CASZ1: variants seen among roughly 807,000 people sequenced by gnomAD.
The protein encoded by CASZ1 is zinc finger protein castor homolog 1.
In CASZ1, 28 loss-of-function variants were observed where a neutral mutation model predicts 135.2. That is an observed-to-expected ratio of 0.21 (90% CI 0.15 to 0.28). The LOEUF is 0.28. CASZ1 is among the 10% of genes least tolerant of loss of function. The probability of loss-of-function intolerance (pLI) is 1.00; values close to 1 mark genes in which losing one functional copy is unlikely to be tolerated. For missense variants in CASZ1, 2,161 were observed against 2,453.3 expected (o/e 0.88, Z 2.52); for synonymous variants, 1,068 against 1,073.4 (o/e 0.99, Z 0.10).
At chr1:10,667,413 G>A (rs1188335907) in intron 4 of CASZ1, among the ~76,000 whole-genome samples, 5 of 152,194 alleles carry the variant, frequency 3.3e-5, no homozygotes, top group Non-Finnish European at 2.9e-5. Context: ...TGCCCAAGCC[G>A]ATGCCCACTC....
In CASZ1 at chr1:10,657,254, A is replaced by AGCCGCC. The variant is rs988817240; in HGVS notation, c.1410-524_1410-519dup. On this transcript the variant is annotated intron_variant, in intron 7 of 20. Transcript: ENST00000377022. The surrounding 1 kb of genome is among the most constrained non-coding windows in gnomAD (Gnocchi z 5.7). ...TCCTACAGCAACGAGCTCACTCTCC[A>AGCCGCC]GCCGCCGCCGCCACCGCCAGGAACC... is the stretch of plus-strand genomic sequence containing the variant. Among the ~76,000 whole-genome samples, 40 of 152,324 alleles carry AGCCGCC rather than the reference A, an allele frequency of 2.6e-4. No homozygotes were observed. Among genetic ancestry groups the AGCCGCC allele is most frequent in the African/African-American group, 9.4e-4 (39 of 41,574 alleles).
chr1:10,653,510 G>A lies in CASZ1; in HGVS notation c.2547C>T (p.Pro849=), dbSNP rs748636112. 28 of 1,609,728 alleles carry A rather than the reference G, an allele frequency of 1.7e-5. No homozygotes were observed. The East Asian group carries it at 2.2e-4, about 13-fold the overall frequency. ...LVASGAGDSA[P]VAAASVPAPP... Reference sequence around the variant, plus strand: ...GTGCCGGGACAGAGGCGGCAGCCACGGGGGCTGAGTCTCCAGCTCCCGAGG... The same window carrying A: ...GTGCCGGGACAGAGGCGGCAGCCACAGGGGCTGAGTCTCCAGCTCCCGAGG... Residue 849 remains proline, a synonymous_variant, in exon 11 of 21, where the codon CCC becomes CCT. Coordinates refer to ENST00000377022, the MANE Select transcript of CASZ1 (RefSeq NM_001079843.3).
intron 1 of CASZ1, among the ~76,000 whole-genome samples, chr1:10,779,184 A>G (rs1187252055): frequency 1.3e-5 from 1 of 74,498 alleles, no homozygotes; most frequent in South Asian, 4.0e-4. Flanking sequence ...CCCCAGCCCC[A>G]CCCCGTCTTC....
chr1:10,758,063 A>G (rs6689272), intron 2 of CASZ1, among the ~76,000 whole-genome samples: 4,784 of 152,164 alleles, frequency 0.031, 246 homozygotes, highest in African/African-American at 0.11. Context: ...CTCTTCACTG[A>G]TCTGTCCACT....
rs1293481137 is a variant in CASZ1 at position 10,671,181 on chromosome 1, GT to G, written c.17-5611del. On this transcript the variant is annotated intron_variant, in intron 4 of 20. Coordinates refer to ENST00000377022, the MANE Select transcript of CASZ1 (RefSeq NM_001079843.3). ...AGTAACTCTATAAATCAGGGGAACT[GT>G]TAGCATCCACCGCACAGGCTGGCTA... Among the ~76,000 whole-genome samples the G allele has an allele frequency of 2.0e-5, 3 of 152,228 alleles. No individual in the cohort carries two copies. In the East Asian group the frequency reaches 5.8e-4, roughly 29 times the overall value.
Position 10,747,056 on chromosome 1 carries a change from C to T in CASZ1, c.-77+13645G>A, listed in dbSNP as rs1640057765. On this transcript the variant is annotated intron_variant, in intron 2 of 20. Transcript: ENST00000377022. The surrounding 1 kb of genome is among the most constrained non-coding windows in gnomAD (Gnocchi z 4.3). ...AACCAGGAGTGGACGCCCAGAAGTC[C>T]ATGGAGTGACAAATGGCATGTGATG... Among the ~76,000 whole-genome samples, 1 of 152,230 alleles carries T rather than the reference C, an allele frequency of 6.6e-6. No homozygotes were observed. The highest frequency in any genetic ancestry group is 6.5e-5 in the Admixed American group (1 of 15,274).
At chr1:10,712,097 G>C (rs2100459400) in intron 2 of CASZ1, among the ~76,000 whole-genome samples, 1 of 152,324 alleles carries the variant, frequency 6.6e-6, no homozygotes, top group East Asian at 1.9e-4. Context: ...TGTAATCCCA[G>C]CACTTCGGGA....
At chr1:10,728,963 A>G (rs1221950301) in intron 2 of CASZ1, among the ~76,000 whole-genome samples, 1 of 152,112 alleles carries the variant, frequency 6.6e-6, no homozygotes, top group African/African-American at 2.4e-5. Flanking sequence ...TGAAAACAAG[A>G]GGCCTTCCCC....
At chr1:10,744,835 C>T (rs867489008) in intron 2 of CASZ1, among the ~76,000 whole-genome samples, 2 of 152,190 alleles carry the variant, frequency 1.3e-5, no homozygotes, top group Admixed American at 6.5e-5. Context: ...CTGCCTGGCA[C>T]GCAGGAGAGC....
chr1:10,656,357 T>C (rs898645248), intron 8 of CASZ1, among the ~76,000 whole-genome samples: 1 of 152,214 alleles, frequency 6.6e-6, no homozygotes, highest in Non-Finnish European at 1.5e-5. Context: ...GCAAGGCTCA[T>C]AGGCTGGCTG....
intron 4 of CASZ1, among the ~76,000 whole-genome samples, chr1:10,673,617 GCAGT>G (rs1166784617): frequency 6.6e-6 from 1 of 152,144 alleles, no homozygotes; most frequent in Non-Finnish European, 1.5e-5. Flanking sequence ...ACCCATGCAC[GCAGT>G]CAAAGACAAT....
At chr1:10,729,882 C>A (rs1639672919) in intron 2 of CASZ1, among the ~76,000 whole-genome samples, 1 of 152,016 alleles carries the variant, frequency 6.6e-6, no homozygotes, top group Non-Finnish European at 1.5e-5. Context: ...GCGGTGCTAT[C>A]TCAGCTCACT....
chr1:10,783,662 C>G (rs759141268), intron 1 of CASZ1, among the ~76,000 whole-genome samples: 1 of 151,914 alleles, frequency 6.6e-6, no homozygotes, highest in Non-Finnish European at 1.5e-5. Context: ...CACTTGAGGT[C>G]AGGGGTTCGA....
chr1:10,766,817 A>T (rs1323384602), intron 1 of CASZ1, among the ~76,000 whole-genome samples: 2 of 152,230 alleles, frequency 1.3e-5, no homozygotes, highest in Non-Finnish European at 2.9e-5. Flanking sequence ...AATGAAGTAG[A>T]TGGTTCTCTC....
rs1387869526 is a variant in CASZ1, at chr1:10,647,401, C to A, written c.3497+400G>T. 6.4e-6 allele frequency: 7 copies of A among 1,098,470 alleles called. No individual in the cohort carries two copies. The highest frequency in any genetic ancestry group is 7.8e-6 in the Non-Finnish European group (7 of 898,428). The allele number at this position is 1,098,470 out of a possible 1,614,324, so 68.0% of individuals were successfully genotyped here. A position where few individuals can be genotyped will look rare whatever the true frequency, so the allele number is the denominator to read the frequency against. Reference sequence around the variant, plus strand: ...TGGCCCCTACCCGTGACTTCACGTGCCCTGCAGAGATTCAGCCATGGGTGT... The same window carrying A: ...TGGCCCCTACCCGTGACTTCACGTGACCTGCAGAGATTCAGCCATGGGTGT... On this transcript the variant is annotated intron_variant, in intron 16 of 20. Transcript: ENST00000377022. The surrounding 1 kb of genome is among the most constrained non-coding windows in gnomAD (Gnocchi z 4.9).
chr1:10,641,451 G>A (rs1490581636), intron 20 of CASZ1, among the ~76,000 whole-genome samples: 1 of 152,198 alleles, frequency 6.6e-6, no homozygotes, highest in Non-Finnish European at 1.5e-5. Flanking sequence ...GGGGCGGGCA[G>A]ATGCCATCCC....
intron 18 of CASZ1, among the ~76,000 whole-genome samples, chr1:10,644,367 A>G (rs986015568): frequency 3.8e-4 from 58 of 152,082 alleles, no homozygotes; most frequent in African/African-American, 1.4e-3. Flanking sequence ...GCTCCAGCTG[A>G]GCCCATGGAG....
At chr1:10,716,267 C>A (rs1444467384) in intron 2 of CASZ1, among the ~76,000 whole-genome samples, 4 of 151,878 alleles carry the variant, frequency 2.6e-5, no homozygotes, top group African/African-American at 9.7e-5. Context: ...CAATCCCCAC[C>A]CCACAGCACC....
intron 2 of CASZ1, among the ~76,000 whole-genome samples, chr1:10,732,570 T>C (rs557689774): frequency 1.3e-5 from 2 of 152,238 alleles, no homozygotes; most frequent in African/African-American, 4.8e-5. Context: ...GCTGCCAGGA[T>C]ATCTGAGGGG....
Sources: gnomAD v4.1 joint callset for allele counts (sites outside exome capture counted in the v4.1 genomes callset) on GRCh38, gnomAD v4.1.1 for gene constraint, Gnocchi (gnomAD v3.1) non-coding constraint, MANE v1.5 for transcripts, NCBI Gene and HGNC (gene_info 2026-07-23, HGNC 2026-07-21) for gene names.